LRP1B: variants seen among roughly 807,000 people sequenced by gnomAD.
The protein encoded by LRP1B is low-density lipoprotein receptor-related protein 1B.
Under a neutral mutation model 556.6 loss-of-function variants are expected in LRP1B, and 217 were observed. The observed-to-expected ratio is 0.39, with a 90% confidence interval of 0.35 to 0.44. The LOEUF (loss-of-function observed/expected upper bound fraction) is 0.44. Ranked by LOEUF, LRP1B falls within the 20% of genes least tolerant of loss-of-function variation. The pLI is 1.00. For missense variants in LRP1B, 5,053 were observed against 5,620.8 expected (o/e 0.90, Z 3.23); for synonymous variants, 2,047 against 1,865.8 (o/e 1.10, Z -2.50).
At chr2:141,745,985 C>T (rs1445648377) in intron 2 of LRP1B, among the ~76,000 whole-genome samples, 13 of 151,994 alleles carry the variant, frequency 8.6e-5, no homozygotes, top group Non-Finnish European at 1.9e-4. Context: ...TTTCTGGGAG[C>T]TAGGAATCCC....
chr2:140,863,176 TAC>T (rs567063418), intron 27 of LRP1B, among the ~76,000 whole-genome samples: 9 of 152,132 alleles, frequency 5.9e-5, no homozygotes, highest in East Asian at 5.8e-4. Flanking sequence ...ATATATGTGT[TAC>T]ACACACACAC....
At chr2:141,835,319 A>G (rs1308503207) in intron 1 of LRP1B, among the ~76,000 whole-genome samples, 1 of 151,982 alleles carries the variant, frequency 6.6e-6, no homozygotes, top group Non-Finnish European at 1.5e-5. Flanking sequence ...GAGCAGTGTT[A>G]TCACTGGTAA....
chr2:141,725,059 ATATAAT>A (rs1377401321), intron 2 of LRP1B, among the ~76,000 whole-genome samples: 2 of 151,904 alleles, frequency 1.3e-5, no homozygotes, highest in African/African-American at 2.4e-5. Flanking sequence ...TGTAAGAAAA[ATATAAT>A]TATAAGGGCA....
intron 1 of LRP1B, among the ~76,000 whole-genome samples, chr2:141,965,869 T>G (rs1314704533): frequency 6.6e-6 from 1 of 150,490 alleles, no homozygotes; most frequent in African/African-American, 2.4e-5. Context: ...TCAGAAAATA[T>G]TATTCTAATT....
chr2:141,639,596 G>A (rs1402545778), intron 2 of LRP1B, among the ~76,000 whole-genome samples: 1 of 150,640 alleles, frequency 6.6e-6, no homozygotes, highest in Non-Finnish European at 1.5e-5. Flanking sequence ...TGTACCTTGT[G>A]CATCTATTTT....
At chr2:140,641,056 G>T (rs1304677976) in intron 41 of LRP1B, among the ~76,000 whole-genome samples, 1 of 152,086 alleles carries the variant, frequency 6.6e-6, no homozygotes, top group Non-Finnish European at 1.5e-5. Context: ...GAAACATTCA[G>T]GAGTCTTCAC....
rs755379044 is a variant in LRP1B, at chr2:140,399,780, G to T, written c.10415-13771C>A. On this transcript the variant is annotated intron_variant, in intron 66 of 90. Coordinates refer to ENST00000389484, the MANE Select transcript of LRP1B (RefSeq NM_018557.3). ...TATGGAAAAGCTAACAAAAGGAAGA[G>T]GAAACCATTGTGATAGATGATAATG... 3.0e-4 allele frequency among the ~76,000 whole-genome samples: 45 copies of T among 152,176 alleles called. 1 individual carries two copies. Among genetic ancestry groups the T allele is most frequent in the Non-Finnish European group, 5.7e-4 (39 of 68,040 alleles).
intron 10 of LRP1B, among the ~76,000 whole-genome samples, chr2:141,049,945 G>A (rs1264771310): frequency 6.6e-6 from 1 of 151,938 alleles, no homozygotes; most frequent in Admixed American, 6.6e-5. Context: ...CATCAAGGTA[G>A]CTCTTTCTAT....
chr2:140,746,704 G>A (rs1688326133), intron 35 of LRP1B, among the ~76,000 whole-genome samples: 1 of 152,218 alleles, frequency 6.6e-6, no homozygotes. Context: ...ACATGCATAT[G>A]AGGGGGTTGT....
intron 2 of LRP1B, among the ~76,000 whole-genome samples, chr2:141,521,850 A>T (rs114058846): frequency 1.3e-5 from 2 of 152,262 alleles, no homozygotes; most frequent in Non-Finnish European, 2.9e-5. Flanking sequence ...ATTTAATTAC[A>T]GTTAAATTTG....
intron 3 of LRP1B, among the ~76,000 whole-genome samples, chr2:141,449,598 T>A (rs1681334290): frequency 7.1e-6 from 1 of 140,828 alleles, no homozygotes; most frequent in Non-Finnish European, 1.5e-5. Context: ...AGCAGTGATG[T>A]TTTTGACTAA....
chr2:141,843,805 C>T (rs1574419124), intron 1 of LRP1B, among the ~76,000 whole-genome samples: 1 of 152,116 alleles, frequency 6.6e-6, no homozygotes, highest in South Asian at 2.1e-4. Flanking sequence ...CAAATTTCTA[C>T]ATCCTTTTAA....
chr2:142,019,562 C>T (rs557482339), intron 1 of LRP1B, among the ~76,000 whole-genome samples: 28 of 152,274 alleles, frequency 1.8e-4, no homozygotes, highest in Middle Eastern at 3.4e-3. Context: ...TTGCTTCCCA[C>T]TTCTATCCTT....
At chr2:140,690,935 T>A (rs115446372) in intron 41 of LRP1B, among the ~76,000 whole-genome samples, 4,366 of 152,288 alleles carry the variant, frequency 0.029, 77 homozygotes, top group Non-Finnish European at 0.042. Context: ...ACTAAAAGTA[T>A]CCTTTTCAGT....
chr2:140,334,323 T>C, intron 79 of LRP1B, 130 bp downstream of exon 79: 2 of 618,160 alleles, frequency 3.2e-6, no homozygotes, highest in Non-Finnish European at 5.7e-6. Flanking sequence ...AATAACTTCA[T>C]AAAATCATAC....
At chr2:141,519,807 C>T (rs1684469544) in intron 2 of LRP1B, among the ~76,000 whole-genome samples, 1 of 152,034 alleles carries the variant, frequency 6.6e-6, no homozygotes, top group South Asian at 2.1e-4. Context: ...GTAGCCTCAT[C>T]TATAGGGCAT....
intron 2 of LRP1B, among the ~76,000 whole-genome samples, chr2:141,522,965 T>G (rs966625595): frequency 2.6e-5 from 4 of 152,150 alleles, no homozygotes; most frequent in African/African-American, 9.6e-5. Context: ...GGAATCAGTA[T>G]TTTTCAGGCT....
At chr2:141,110,621 GA>G (rs1241307301) in intron 7 of LRP1B, among the ~76,000 whole-genome samples, 3 of 146,988 alleles carry the variant, frequency 2.0e-5, no homozygotes, top group African/African-American at 7.4e-5. Flanking sequence ...ACAAAGACAA[GA>G]AAGTTTGTAA....
chr2:142,108,396 T>G (rs535687976), intron 1 of LRP1B, among the ~76,000 whole-genome samples: 1 of 147,198 alleles, frequency 6.8e-6, no homozygotes, highest in South Asian at 2.1e-4. Flanking sequence ...CCACTAAGAG[T>G]GTAATTTGCA....
Sources: allele counts gnomAD v4.1 joint callset (sites outside exome capture counted in the v4.1 genomes callset), GRCh38; gene constraint gnomAD v4.1.1; transcripts MANE v1.5; gene names NCBI Gene and HGNC (gene_info 2026-07-23, HGNC 2026-07-21).